Variants in FAM3D observed in about 807,000 individuals in gnomAD.
FAM3D encodes FAM3 metabolism regulating signaling molecule D, also known as protein FAM3D.
In FAM3D, 26 loss-of-function variants were observed where a neutral mutation model predicts 29.8. The ratio of observed to expected loss-of-function variants is 0.87; its 90% CI spans 0.64 to 1.21. The LOEUF (loss-of-function observed/expected upper bound fraction) is 1.21, where lower values mean the gene tolerates loss of function less well. Among genes scored for constraint, FAM3D ranks in the 50% most tolerant of loss-of-function variants. FAM3D has a pLI of 0.00. For missense variants in FAM3D, 253 were observed against 290.9 expected, an observed-to-expected ratio of 0.87 and a Z score of 0.95; for synonymous variants, 115 against 102.3, an observed-to-expected ratio of 1.12 and a Z score of -0.75.
chr3:58,652,574 C>T (rs534195281), intron 3 of FAM3D, among the ~76,000 whole-genome samples: 178 of 147,158 alleles, frequency 1.2e-3, no homozygotes, highest in African/African-American at 4.3e-3. Flanking sequence ...CATCCATCCA[C>T]CCTTCCCTCC....
chr3:58,656,536 G>T (rs972862231), intron 1 of FAM3D, among the ~76,000 whole-genome samples: 2 of 152,106 alleles, frequency 1.3e-5, no homozygotes, highest in African/African-American at 4.8e-5. Flanking sequence ...CCAGGTGCTG[G>T]GCAGTTACCA....
chr3:58,637,351 G>T, intron 7 of FAM3D, 126 bp from the exon 8 acceptor site: 1 of 836,016 alleles, frequency 1.2e-6, no homozygotes. Flanking sequence ...GAGCTCAGAA[G>T]CCAGGAGGAA....
chr3:58,638,963 T>C (rs1237388955), intron 7 of FAM3D, among the ~76,000 whole-genome samples: 1 of 152,210 alleles, frequency 6.6e-6, no homozygotes, highest in African/African-American at 2.4e-5. Flanking sequence ...AAATAAAACA[T>C]GCCTTCTGCT....
chr3:58,641,583 TTCTTGAACTCCTGAGC>T (rs2066336824), intron 6 of FAM3D, among the ~76,000 whole-genome samples: 1 of 152,112 alleles, frequency 6.6e-6, no homozygotes, highest in Non-Finnish European at 1.5e-5. Flanking sequence ...ACTCAGGCTG[TTCTTGAACTCCTGAGC>T]TCAAGAGATC....
chr3:58,656,165 G>A (rs13071844), intron 1 of FAM3D, among the ~76,000 whole-genome samples: 19,400 of 152,092 alleles, frequency 0.13, 1,288 homozygotes, highest in Non-Finnish European at 0.14. Flanking sequence ...AAGCCCAATC[G>A]ATCTTTGTTT....
intron 7 of FAM3D, among the ~76,000 whole-genome samples, chr3:58,639,431 C>T (rs1413331447): frequency 2.6e-5 from 4 of 152,210 alleles, no homozygotes; most frequent in African/African-American, 7.2e-5. Flanking sequence ...GGAGACTGGA[C>T]GTTTTCCATA....
chr3:58,662,332 CA>C (rs1482046313), intron 1 of FAM3D, among the ~76,000 whole-genome samples: 1 of 152,232 alleles, frequency 6.6e-6, no homozygotes, highest in African/African-American at 2.4e-5. Context: ...GCCTCCACAA[CA>C]AAGTCGATGG....
intron 1 of FAM3D, among the ~76,000 whole-genome samples, chr3:58,658,634 C>T (rs1254955313): frequency 6.6e-6 from 1 of 152,196 alleles, no homozygotes; most frequent in Non-Finnish European, 1.5e-5. Flanking sequence ...TACCTGTGGT[C>T]CTGGATGGGA....
In FAM3D at chr3:58,637,008, A is replaced by G. The variant is rs554155154; in HGVS notation, c.458+133T>C. 3.2e-5 allele frequency: 24 copies of G among 739,278 alleles called. No individual in the cohort carries two copies. In the South Asian group the frequency reaches 3.5e-4, roughly 11 times the overall value. 45.8% of individuals were successfully genotyped at this position (739,278 alleles called of 1,614,324 possible). A position where few individuals can be genotyped will look rare whatever the true frequency, so the allele number is the denominator to read the frequency against. On this transcript the variant is annotated intron_variant, in intron 8 of 9. Transcript: ENST00000358781. ...AACCTCCTAGAACATTTCTTTGCATACTTGTCTGATAATTTCCTCGAGATA... is the reference window on the plus strand; with the variant it reads ...AACCTCCTAGAACATTTCTTTGCATGCTTGTCTGATAATTTCCTCGAGATA...
At chr3:58,655,715 T>C (rs2066775337) in intron 1 of FAM3D, 114 bp from the exon 2 acceptor site, 6 of 807,546 alleles carry the variant, frequency 7.4e-6, no homozygotes, top group South Asian at 5.5e-5. Context: ...TTCAGTTGGG[T>C]TCCTCACCAC....
chr3:58,634,426 GC>G lies in FAM3D; in HGVS notation c.586-59del, dbSNP rs1270988528. ...GTGAGTGAGGCTGTTCAGAACTCATGCCCACATGGACACTGTGCTCTAAACC... is the reference window on the plus strand; with the variant it reads ...GTGAGTGAGGCTGTTCAGAACTCATGCCACATGGACACTGTGCTCTAAACC... On this transcript the variant is annotated intron_variant, in intron 9 of 9. Coordinates refer to ENST00000358781, the MANE Select transcript of FAM3D (RefSeq NM_138805.3). This position sits in a 1 kb window ranked among gnomAD's most constrained non-coding sequence, Gnocchi z 4.6. The G allele has an allele frequency of 1.4e-6, 2 of 1,476,478 alleles. No homozygotes were observed. Among genetic ancestry groups the G allele is most frequent in the African/African-American group, 2.8e-5 (2 of 72,124 alleles). 91.5% of individuals were successfully genotyped at this position (1,476,478 alleles called of 1,614,324 possible).
In FAM3D at chr3:58,634,204, C is replaced by T. The variant is rs1347737346; in HGVS notation, c.*75G>A. 5.0e-6 allele frequency: 7 copies of T among 1,396,404 alleles called. No individual in the cohort carries two copies. In the African/African-American group the frequency reaches 1.0e-4, roughly 20 times the overall value. 86.5% of individuals were successfully genotyped at this position (1,396,404 alleles called of 1,614,324 possible). On this transcript the variant is annotated 3_prime_UTR_variant, in exon 10 of 10. Transcript: ENST00000358781. This position sits in a 1 kb window ranked among gnomAD's most constrained non-coding sequence, Gnocchi z 4.6. The stretch of plus-strand genomic sequence containing the variant: ...AGCACCCCCTGCTCCTCCTCCTCAG[C>T]CCCTGCCGGGCTCTGACTCCTAAGT...
intron 7 of FAM3D, 51 bp from the exon 8 acceptor site, chr3:58,637,276 T>C: frequency 1.3e-6 from 2 of 1,507,698 alleles, no homozygotes; most frequent in African/African-American, 2.7e-5. Flanking sequence ...TGAGCCCTGG[T>C]CATTCTCATG....
intron 2 of FAM3D, among the ~76,000 whole-genome samples, chr3:58,654,488 T>C (rs987174444): frequency 6.6e-6 from 1 of 152,166 alleles, no homozygotes; most frequent in Non-Finnish European, 1.5e-5. Context: ...CATGGCCAGA[T>C]TGCTTTCTGA....
intron 5 of FAM3D, among the ~76,000 whole-genome samples, chr3:58,643,960 G>C (rs36020583): frequency 0.12 from 18,438 of 152,270 alleles, 1,487 homozygotes; most frequent in Non-Finnish European, 0.18. Flanking sequence ...CAAGGTCCCT[G>C]CCTGGGCCTC....
Position 58,666,693 on chromosome 3 carries a change from C to A in FAM3D, c.-156G>T, listed in dbSNP as rs2067039048. 2.0e-5 allele frequency: 3 copies of A among 152,298 alleles called. No homozygotes were observed. The highest frequency in any genetic ancestry group is 2.9e-5 in the Non-Finnish European group (2 of 68,084). The allele number at this position is 152,298 out of a possible 1,614,324, so 9.4% of individuals were successfully genotyped here. ...CCTGGGCCAGCTTCTGACAGTCCCA[C>A]CTCCCAGTTGCTGGAGGGGTAGTGG... On this transcript the variant is annotated 5_prime_UTR_variant, in exon 1 of 10. Transcript: ENST00000358781.
intron 5 of FAM3D, 87 bp from the exon 6 acceptor site, chr3:58,643,807 C>T: frequency 1.7e-6 from 2 of 1,203,734 alleles, no homozygotes; most frequent in Non-Finnish European, 2.5e-6. Flanking sequence ...TCCGTGAGGA[C>T]CCACATAAGC....
intron 7 of FAM3D, among the ~76,000 whole-genome samples, chr3:58,639,588 C>T (rs1462498429): frequency 6.8e-6 from 1 of 148,008 alleles, no homozygotes; most frequent in Non-Finnish European, 1.5e-5. Context: ...CGCATGTGGG[C>T]ACTTCAGTGG....
intron 6 of FAM3D, among the ~76,000 whole-genome samples, chr3:58,641,779 A>G (rs545386987): frequency 6.6e-6 from 1 of 152,210 alleles, no homozygotes; most frequent in Non-Finnish European, 1.5e-5. Flanking sequence ...AGTGCCCAAT[A>G]AATGCTAGTT....
Sources: gnomAD v4.1 joint callset for allele counts (sites outside exome capture counted in the v4.1 genomes callset) on GRCh38, gnomAD v4.1.1 for gene constraint, Gnocchi (gnomAD v3.1) non-coding constraint, MANE v1.5 for transcripts, NCBI Gene and HGNC (gene_info 2026-07-23, HGNC 2026-07-21) for gene names.